The following DOCK3 variants were observed in gnomAD, a reference collection of about 807,000 sequenced individuals.
DOCK3 encodes the protein dedicator of cytokinesis protein 3.
In DOCK3, 60 loss-of-function variants were observed where a neutral mutation model predicts 265.6. That is an observed-to-expected ratio of 0.23 (90% confidence interval 0.18 to 0.28). The LOEUF is 0.28. Ranked by LOEUF, DOCK3 falls within the 10% of genes least tolerant of loss-of-function variation. DOCK3 has a pLI of 1.00. For missense variants in DOCK3, 1,981 were observed against 2,594.3 expected (o/e 0.76, Z 5.14); for synonymous variants, 881 against 938.0 (o/e 0.94, Z 1.11).
At chr3:51,278,748 A>G (rs1291592613) in intron 26 of DOCK3, among the ~76,000 whole-genome samples, 3 of 152,180 alleles carry the variant, frequency 2.0e-5, no homozygotes, top group Non-Finnish European at 4.4e-5. Flanking sequence ...AGCAATACTA[A>G]GGAAGTGATT....
At chr3:50,981,304 A>G (rs918170023) in intron 5 of DOCK3, among the ~76,000 whole-genome samples, 1 of 152,220 alleles carries the variant, frequency 6.6e-6, no homozygotes, top group Non-Finnish European at 1.5e-5. Context: ...GACAGATCAC[A>G]GTATATCCGA....
At chr3:50,711,422 T>C (rs954760121) in intron 1 of DOCK3, among the ~76,000 whole-genome samples, 2 of 151,820 alleles carry the variant, frequency 1.3e-5, no homozygotes, top group African/African-American at 2.4e-5. Context: ...CCACCACGCC[T>C]GGCTAATTTT....
intron 5 of DOCK3, among the ~76,000 whole-genome samples, chr3:51,055,393 T>C (rs981175615): frequency 6.6e-6 from 1 of 152,204 alleles, no homozygotes; most frequent in Non-Finnish European, 1.5e-5. Flanking sequence ...CTTGTCTTCC[T>C]CCACCTTACT....
chr3:50,921,596 G>A (rs1252814283), intron 4 of DOCK3, among the ~76,000 whole-genome samples: 1 of 152,118 alleles, frequency 6.6e-6, no homozygotes, highest in African/African-American at 2.4e-5. Flanking sequence ...TCCGTTGCTA[G>A]CGAGGAGCTG....
At chr3:50,953,820 T>C (rs1444508498) in intron 5 of DOCK3, among the ~76,000 whole-genome samples, 1 of 152,172 alleles carries the variant, frequency 6.6e-6, no homozygotes, top group African/African-American at 2.4e-5. Flanking sequence ...TTCATTCTTT[T>C]CGCTGTTAAG....
Position 50,838,689 on chromosome 3 carries a change from C to A in DOCK3, c.122-2986C>A, listed in dbSNP as rs191545048. Among the ~76,000 whole-genome samples, 8 of 152,286 alleles carry A rather than the reference C, an allele frequency of 5.3e-5. No homozygotes were observed. The East Asian group carries it at 1.5e-3, about 29-fold the overall frequency. On this transcript the variant is annotated intron_variant, in intron 2 of 52. Transcript: ENST00000266037. Reference sequence around the variant, plus strand: ...TAGGTAAATTGACATTTGGAAGATACTTCAGTGTACTGGTTCATTAAAAGC... The same window carrying A: ...TAGGTAAATTGACATTTGGAAGATAATTCAGTGTACTGGTTCATTAAAAGC...
chr3:51,011,782 T>A (rs998039412), intron 5 of DOCK3, among the ~76,000 whole-genome samples: 5 of 152,172 alleles, frequency 3.3e-5, no homozygotes, highest in African/African-American at 1.2e-4. Flanking sequence ...TTGATGATGG[T>A]GACGTACAGA....
chr3:50,716,527 CA>C (rs1193099771), intron 1 of DOCK3, among the ~76,000 whole-genome samples: 3 of 143,116 alleles, frequency 2.1e-5, no homozygotes, highest in Non-Finnish European at 4.6e-5. Context: ...GACTCCGTCT[CA>C]AAAAAAAACT....
intron 4 of DOCK3, among the ~76,000 whole-genome samples, chr3:50,933,464 C>T (rs1346651158): frequency 6.6e-6 from 1 of 152,146 alleles, no homozygotes; most frequent in Admixed American, 6.5e-5. Flanking sequence ...AATTCCTCTG[C>T]TGACATTATG....
chr3:51,083,001 CATT>C (rs1189171143), intron 7 of DOCK3, among the ~76,000 whole-genome samples: 1 of 152,158 alleles, frequency 6.6e-6, no homozygotes, highest in African/African-American at 2.4e-5. Context: ...CCCACTTGAT[CATT>C]ATCACTAGCA....
intron 19 of DOCK3, 123 bp from the exon 20 acceptor site, chr3:51,236,222 G>T: frequency 1.3e-6 from 1 of 761,174 alleles, no homozygotes. Context: ...TGATTTTTAA[G>T]TGGTATTTTG....
At chr3:51,079,638 C>A (rs2082161961) in intron 7 of DOCK3, among the ~76,000 whole-genome samples, 1 of 152,084 alleles carries the variant, frequency 6.6e-6, no homozygotes, top group South Asian at 2.1e-4. Context: ...CAGGCCTGAA[C>A]CACCATACTT....
In DOCK3 at chr3:50,883,008, A is replaced by G. The variant is rs199673958; in HGVS notation, c.163-7018A>G. Among the ~76,000 whole-genome samples, 23 of 152,292 alleles carry G rather than the reference A, an allele frequency of 1.5e-4. No individual in the cohort carries two copies. The East Asian group carries it at 2.1e-3, about 14-fold the overall frequency. ...TGGAAACCATCACTCTGAGCAAACT[A>G]TTGCAAGGACAGAAAACCAAACACT... On this transcript the variant is annotated intron_variant, in intron 3 of 52. Coordinates refer to ENST00000266037, the MANE Select transcript of DOCK3 (RefSeq NM_004947.5).
rs1470405226 is a variant in DOCK3 at position 51,229,539 on chromosome 3, A to G, written c.1847A>G (p.Lys616Arg). ...NVDLLALLKW[K>R]AFPDRIMDVL... is the part of the protein sequence containing the mutation. ...GACCTCCTAGCTCTGCTGAAGTGGA[A>G]AGCCTTCCCCGACCGGATCATGGAT... Residue 616 changes from lysine (K) to arginine (R), a missense_variant, in exon 19 of 53, where the codon AAA becomes AGA. Around this residue, in one of 4 missense-constraint regions of DOCK3, gnomAD observed 1,357 missense variants for 1,866.8 expected, o/e 0.73. Transcript: ENST00000266037. The G allele has an allele frequency of 6.2e-7, 1 of 1,607,294 alleles. No individual in the cohort carries two copies. Among genetic ancestry groups the G allele is most frequent in the African/African-American group, 1.3e-5 (1 of 74,654 alleles).
At chr3:51,082,171 A>G (rs1025108923) in intron 7 of DOCK3, among the ~76,000 whole-genome samples, 2 of 151,934 alleles carry the variant, frequency 1.3e-5, no homozygotes, top group Admixed American at 6.5e-5. Flanking sequence ...CCAGAGAGAG[A>G]GTTTGGGCCG....
At chr3:51,109,796 G>A (rs1329033947) in intron 9 of DOCK3, among the ~76,000 whole-genome samples, 1 of 151,934 alleles carries the variant, frequency 6.6e-6, no homozygotes, top group Non-Finnish European at 1.5e-5. Flanking sequence ...AGCCAGTCAT[G>A]GTGGCACACA....
At chr3:51,296,008 C>G (rs1408621263) in intron 27 of DOCK3, among the ~76,000 whole-genome samples, 1 of 152,144 alleles carries the variant, frequency 6.6e-6, no homozygotes, top group Non-Finnish European at 1.5e-5. Context: ...GCCTGGCTAA[C>G]TTTTTAAATT....
intron 12 of DOCK3, among the ~76,000 whole-genome samples, 183 bp from the exon 13 acceptor site, chr3:51,208,591 T>A (rs987600413): frequency 6.6e-6 from 1 of 152,218 alleles, no homozygotes; most frequent in African/African-American, 2.4e-5. Flanking sequence ...TTTCTATCCT[T>A]TGCCCAAGTA....
intron 14 of DOCK3, among the ~76,000 whole-genome samples, chr3:51,222,571 G>T (rs755694087): frequency 2.0e-4 from 31 of 152,082 alleles, no homozygotes; most frequent in Non-Finnish European, 4.0e-4. Flanking sequence ...AACCATAATC[G>T]CATAATTGCA....
Sources: allele counts gnomAD v4.1 joint callset (sites outside exome capture counted in the v4.1 genomes callset), GRCh38; gene constraint gnomAD v4.1.1; regional missense constraint gnomAD v4.1.1; transcripts MANE v1.5; gene names NCBI Gene and HGNC (gene_info 2026-07-23, HGNC 2026-07-21).